FBXO21: variants seen among roughly 807,000 people sequenced by gnomAD.
FBXO21 encodes the protein F-box protein 21.
Under a neutral mutation model 76.6 loss-of-function variants are expected in FBXO21, and 32 were observed. The ratio of observed to expected loss-of-function variants is 0.42; its 90% CI spans 0.32 to 0.56. The LOEUF (loss-of-function observed/expected upper bound fraction) is 0.56, where lower values mean the gene tolerates loss of function less well. Among genes scored for constraint, FBXO21 ranks in the 20% least tolerant of loss-of-function variants. FBXO21 has a pLI of 0.16. For synonymous variants in FBXO21, 328 were observed against 311.5 expected, an observed-to-expected ratio of 1.05 and a Z score of -0.56; for missense variants, 586 against 797.3, an observed-to-expected ratio of 0.73 and a Z score of 3.19.
At chr12:117,171,015 C>T (rs573243197) in intron 7 of FBXO21, among the ~76,000 whole-genome samples, 37 of 152,238 alleles carry the variant, frequency 2.4e-4, no homozygotes, top group South Asian at 1.2e-3. Context: ...ACAAGGGAAG[C>T]CTGTATGGGT....
At chr12:117,147,356 C>G (rs1470650935) in intron 11 of FBXO21, among the ~76,000 whole-genome samples, 1 of 145,294 alleles carries the variant, frequency 6.9e-6, no homozygotes, top group South Asian at 2.2e-4. Context: ...AATCCCAGCA[C>G]TTTGGGAGGA....
At chr12:117,170,981 T>G (rs1043801371) in intron 7 of FBXO21, among the ~76,000 whole-genome samples, 5 of 152,074 alleles carry the variant, frequency 3.3e-5, no homozygotes, top group African/African-American at 4.8e-5. Context: ...ATGCAGTACA[T>G]CCTCAGAAAC....
At chr12:117,151,661 A>T (rs1038749497) in intron 11 of FBXO21, among the ~76,000 whole-genome samples, 2 of 152,232 alleles carry the variant, frequency 1.3e-5, no homozygotes, top group African/African-American at 4.8e-5. Flanking sequence ...AAATGTGAGC[A>T]TAAAATTGTC....
At chr12:117,164,408 C>T (rs182252806) in intron 9 of FBXO21, among the ~76,000 whole-genome samples, 16 of 151,902 alleles carry the variant, frequency 1.1e-4, no homozygotes, top group Middle Eastern at 3.4e-3. Context: ...TCCTGAGTAG[C>T]TGGGATTACA....
chr12:117,190,464 G>T lies in FBXO21; in HGVS notation c.-8C>A. On this transcript the variant is annotated 5_prime_UTR_variant, in exon 1 of 12. Coordinates refer to ENST00000622495, the MANE Select transcript of FBXO21 (RefSeq NM_015002.3). ...GACTGCTGCCGCCGCCATCTTGTCC[G>T]CGTACCTGGGGCCGCCGCGCGCGCG... The T allele has an allele frequency of 1.6e-6, 2 of 1,262,108 alleles. No homozygotes were observed. Among genetic ancestry groups the T allele is most frequent in the Non-Finnish European group, 2.1e-6 (2 of 940,180 alleles). The allele number at this position is 1,262,108 out of a possible 1,614,324, so 78.2% of individuals were successfully genotyped here.
chr12:117,152,221 C>CT (rs1370856439), intron 11 of FBXO21, among the ~76,000 whole-genome samples: 2 of 152,332 alleles, frequency 1.3e-5, no homozygotes, highest in African/African-American at 4.8e-5. Context: ...GATCTCAACA[C>CT]TTTGAGAGGC....
chr12:117,170,144 T>TAAA (rs1956102693), intron 7 of FBXO21, among the ~76,000 whole-genome samples: 1 of 59,938 alleles, frequency 1.7e-5, no homozygotes. Context: ...CATTTACAAC[T>TAAA]GAAAAAAAAA....
At chr12:117,149,398 C>T (rs577617119) in intron 11 of FBXO21, among the ~76,000 whole-genome samples, 27 of 152,278 alleles carry the variant, frequency 1.8e-4, no homozygotes, top group African/African-American at 6.3e-4. Flanking sequence ...AAGGGAACCA[C>T]TGTTACCTGT....
intron 7 of FBXO21, among the ~76,000 whole-genome samples, chr12:117,169,137 G>A (rs1053509536): frequency 1.2e-4 from 19 of 152,210 alleles, no homozygotes; most frequent in African/African-American, 4.6e-4. Context: ...GGAATACTAT[G>A]TAGCCACAAA....
intron 1 of FBXO21, 109 bp downstream of exon 1, chr12:117,190,109 G>A (rs1347651029): frequency 2.2e-6 from 1 of 455,180 alleles, no homozygotes; most frequent in Non-Finnish European, 2.9e-6. Context: ...AGGGGTCCGG[G>A]GTGGGGTCCG....
chr12:117,174,145 G>C, intron 6 of FBXO21, 60 bp downstream of exon 6: 2 of 1,384,904 alleles, frequency 1.4e-6, no homozygotes, highest in East Asian at 4.7e-5. Context: ...TCTAAAAACA[G>C]AAAAAAAAAG....
Position 117,146,113 on chromosome 12 carries a change from C to T in FBXO21, c.1840G>A (p.Ala614Thr). 1.2e-6 allele frequency: 2 copies of T among 1,607,482 alleles called. No homozygotes were observed. Among genetic ancestry groups the T allele is most frequent in the Non-Finnish European group, 8.5e-7 (1 of 1,177,840 alleles). The change falls in exon 12 of 12, where the codon GCA becomes ACA. Residue 614 changes from alanine to threonine, a missense_variant. Coordinates refer to ENST00000622495, the MANE Select transcript of FBXO21 (RefSeq NM_015002.3). ...VYETVQNIYS[A>T]KKENIDE ...TACTCATCTATGTTCTCTTTCTTTGCACTGTAAATATTCTGCACCGTTTCA... is the reference window on the plus strand; with the variant it reads ...TACTCATCTATGTTCTCTTTCTTTGTACTGTAAATATTCTGCACCGTTTCA...
In FBXO21 at chr12:117,142,086, T is replaced by G. The variant is rs1955723247; in HGVS notation, c.*4001A>C. On this transcript the variant is annotated 3_prime_UTR_variant, in exon 12 of 12. Coordinates refer to ENST00000622495, the MANE Select transcript of FBXO21 (RefSeq NM_015002.3). ...CATGTATTCTATAATTGCGCCTAATTTTATTCACCGGAGGGACGTCCTTTA... is the reference window on the plus strand; with the variant it reads ...CATGTATTCTATAATTGCGCCTAATGTTATTCACCGGAGGGACGTCCTTTA... 6.6e-6 allele frequency: 1 copy of G among 150,788 alleles called. No homozygotes were observed. The highest frequency in any genetic ancestry group is 2.4e-5 in the African/African-American group (1 of 41,366). 9.3% of individuals were successfully genotyped at this position (150,788 alleles called of 1,614,324 possible).
intron 3 of FBXO21, among the ~76,000 whole-genome samples, chr12:117,182,911 G>C (rs1014469728): frequency 2.6e-5 from 4 of 152,040 alleles, no homozygotes; most frequent in Non-Finnish European, 5.9e-5. Flanking sequence ...GGGCAACAAA[G>C]CAAGACTCCA....
At chr12:117,181,599 G>GAGTCTGTCTA (rs1555242787) in intron 3 of FBXO21, among the ~76,000 whole-genome samples, 101 of 145,658 alleles carry the variant, frequency 6.9e-4, no homozygotes, top group Non-Finnish European at 1.3e-3. Context: ...ATCTGAGACA[G>GAGTCTGTCTA]TCTATCTATC....
chr12:117,144,443 C>T lies in FBXO21; in HGVS notation c.*1644G>A, dbSNP rs1955746278. 1 of 152,150 alleles carries T rather than the reference C, an allele frequency of 6.6e-6. No individual in the cohort carries two copies. Among genetic ancestry groups the T allele is most frequent in the Admixed American group, 6.5e-5 (1 of 15,270 alleles). 9.4% of individuals were successfully genotyped at this position (152,150 alleles called of 1,614,324 possible). A position where few individuals can be genotyped will look rare whatever the true frequency, so the allele number is the denominator to read the frequency against. ...AGGCTGGAGGAGCCAGGGGCCAAATCCCCATCTCTTTCTAGTAACTGCTTA... is the reference window on the plus strand; with the variant it reads ...AGGCTGGAGGAGCCAGGGGCCAAATTCCCATCTCTTTCTAGTAACTGCTTA... On this transcript the variant is annotated 3_prime_UTR_variant, in exon 12 of 12. Transcript: ENST00000622495.
At chr12:117,189,437 G>C in intron 1 of FBXO21, 75 bp from the exon 2 acceptor site, 1 of 1,562,644 alleles carries the variant, frequency 6.4e-7, no homozygotes, top group Non-Finnish European at 8.8e-7. Context: ...GGCAGCCTTG[G>C]AAACAGGGAC....
At chr12:117,160,583 C>A (rs991906925) in intron 9 of FBXO21, among the ~76,000 whole-genome samples, 2 of 152,318 alleles carry the variant, frequency 1.3e-5, no homozygotes, top group South Asian at 4.1e-4. Flanking sequence ...GTTGAAAAAT[C>A]TGGACATCCT....
Position 117,155,805 on chromosome 12 carries a change from C to T in FBXO21, c.1661G>A (p.Arg554Gln). ...YNVLVEDGSC[R>Q]YAAQENLEYN... ...CCGCCGCTTACCTTGGGCTGCGTAT[C>T]GACAGGAGCCGTCCTCCACCAGCAC... is the stretch of plus-strand genomic sequence containing the variant. Residue 554 changes from arginine (R) to glutamine (Q), a missense_variant, in exon 11 of 12, where the codon CGA becomes CAA. This residue lies in a region of FBXO21 where 164 missense variants were observed against 236.7 expected (regional missense o/e 0.69). Transcript: ENST00000622495. The T allele has an allele frequency of 1.2e-6, 2 of 1,613,614 alleles. No homozygotes were observed. The highest frequency in any genetic ancestry group is 1.7e-6 in the Non-Finnish European group (2 of 1,179,730).
Sources: gnomAD v4.1 joint callset for allele counts (sites outside exome capture counted in the v4.1 genomes callset) on GRCh38, gnomAD v4.1.1 for gene constraint, gnomAD v4.1.1 regional missense constraint, MANE v1.5 for transcripts, NCBI Gene and HGNC (gene_info 2026-07-23, HGNC 2026-07-21) for gene names.